The following IFT56 variants were observed in gnomAD, a reference collection of about 807,000 sequenced individuals.
IFT56 encodes the protein intraflagellar transport 56, also known as intraflagellar transport protein 56.
the IFT56 span, among the ~76,000 whole-genome samples, chr7:139,167,454 C>G: frequency 6.6e-6 from 1 of 152,208 alleles, no homozygotes; most frequent in African/African-American, 2.4e-5. Context: ...TCTTTGTGAG[C>G]TCTCTTAAAT....
At chr7:139,150,483 C>T in the IFT56 span, among the ~76,000 whole-genome samples, 1 of 152,138 alleles carries the variant, frequency 6.6e-6, no homozygotes, top group South Asian at 2.1e-4. Flanking sequence ...CAAGTTAGGA[C>T]ATCAGAGTGT....
At chr7:139,166,622 T>G in the IFT56 span, among the ~76,000 whole-genome samples, 30 of 152,296 alleles carry the variant, frequency 2.0e-4, no homozygotes, top group African/African-American at 7.2e-4. Flanking sequence ...GCTTCAACAA[T>G]TTTTAAGGTA....
chr7:139,148,169 G>T, the IFT56 span: 1 of 1,555,274 alleles, frequency 6.4e-7, no homozygotes, highest in Non-Finnish European at 8.8e-7. Context: ...CCGTGAAGTA[G>T]ACTTAAATGG....
chr7:139,187,282 T>G, the IFT56 span: 1 of 1,174,038 alleles, frequency 8.5e-7, no homozygotes, highest in Non-Finnish European at 1.2e-6. Flanking sequence ...ACTTGCTAAC[T>G]GAAAATGTTG....
chr7:139,135,563 T>C, the IFT56 span, among the ~76,000 whole-genome samples: 1 of 152,210 alleles, frequency 6.6e-6, no homozygotes, highest in South Asian at 2.1e-4. Flanking sequence ...CCTTTTAATA[T>C]ACATTGGAAT....
the IFT56 span, chr7:139,172,635 T>G: frequency 1.7e-6 from 1 of 603,238 alleles, no homozygotes; most frequent in South Asian, 1.4e-5. Context: ...TCAAAGTGCT[T>G]CAACAAAGCC....
At chr7:139,184,826 G>A in the IFT56 span, among the ~76,000 whole-genome samples, 8 of 151,824 alleles carry the variant, frequency 5.3e-5, no homozygotes, top group South Asian at 4.1e-4. Flanking sequence ...AGGCTGAGGC[G>A]GGCGGATCAC....
the IFT56 span, among the ~76,000 whole-genome samples, chr7:139,144,023 TC>T: frequency 6.6e-6 from 1 of 152,168 alleles, no homozygotes; most frequent in South Asian, 2.1e-4. Context: ...ATGTTTCTAA[TC>T]CCATAAGACT....
the IFT56 span, among the ~76,000 whole-genome samples, chr7:139,176,916 G>A: frequency 6.6e-6 from 1 of 152,054 alleles, no homozygotes; most frequent in Non-Finnish European, 1.5e-5. Flanking sequence ...GTTCACACCT[G>A]TAATCCCAGC....
the IFT56 span, chr7:139,166,757 T>C: frequency 1.4e-6 from 1 of 718,192 alleles, no homozygotes; most frequent in Non-Finnish European, 2.5e-6. Context: ...ATTTAAGTAC[T>C]GAAGGATCTT....
chr7:139,177,617 T>TA, the IFT56 span, among the ~76,000 whole-genome samples: 2 of 151,376 alleles, frequency 1.3e-5, no homozygotes, highest in Admixed American at 6.6e-5. Flanking sequence ...ATATAGTGTG[T>TA]GTGTGTGTGT....
chr7:139,137,945 T>C, the IFT56 span: 2 of 1,601,194 alleles, frequency 1.2e-6, no homozygotes, highest in Non-Finnish European at 1.7e-6. Context: ...TGGAGGTTAG[T>C]GTAAAAAAAG....
the IFT56 span, among the ~76,000 whole-genome samples, chr7:139,145,014 C>A: frequency 6.6e-6 from 1 of 151,994 alleles, no homozygotes; most frequent in East Asian, 1.9e-4. Context: ...AGAGATAATT[C>A]GAGTCTCTGG....
the IFT56 span, among the ~76,000 whole-genome samples, chr7:139,162,732 G>A: frequency 1.3e-5 from 2 of 151,974 alleles, no homozygotes; most frequent in South Asian, 2.1e-4. Flanking sequence ...AGGCCAAGGC[G>A]GGTGGATCAC....
At chr7:139,153,470 T>C in the IFT56 span, among the ~76,000 whole-genome samples, 5 of 151,784 alleles carry the variant, frequency 3.3e-5, no homozygotes, top group Non-Finnish European at 7.4e-5. Flanking sequence ...AGTCATACTC[T>C]TCAGCTATCA....
the IFT56 span, among the ~76,000 whole-genome samples, chr7:139,153,509 G>A: frequency 2.0e-5 from 3 of 150,926 alleles, no homozygotes; most frequent in Admixed American, 1.3e-4. Flanking sequence ...CCCCAGCCCT[G>A]AGCAACCACT....
chr7:139,167,920 G>A, the IFT56 span, among the ~76,000 whole-genome samples: 3 of 145,852 alleles, frequency 2.1e-5, no homozygotes, highest in African/African-American at 2.6e-5. Context: ...CAGCCTGGGC[G>A]ACAGAGCAAG....
chr7:139,150,009 A>G, the IFT56 span, among the ~76,000 whole-genome samples: 1 of 152,194 alleles, frequency 6.6e-6, no homozygotes, highest in African/African-American at 2.4e-5. Context: ...ATCATTTAAC[A>G]TGGTTATTAC....
the IFT56 span, among the ~76,000 whole-genome samples, chr7:139,146,688 AC>A: frequency 6.7e-6 from 1 of 149,834 alleles, no homozygotes; most frequent in Non-Finnish European, 1.5e-5. Context: ...AATTGCTTGA[AC>A]CTGGGAGGCA....
Sources: allele counts gnomAD v4.1 joint callset (sites outside exome capture counted in the v4.1 genomes callset), GRCh38; gene constraint gnomAD v4.1.1; transcripts MANE v1.5; gene names NCBI Gene and HGNC (gene_info 2026-07-23, HGNC 2026-07-21).